The following DDX18 variants were observed in gnomAD, a reference collection of about 807,000 sequenced individuals.
The protein encoded by DDX18 is ATP-dependent RNA helicase DDX18.
In DDX18, 23 loss-of-function variants were observed where a neutral mutation model predicts 73.5. The observed-to-expected ratio is 0.31, with a 90% CI of 0.23 to 0.44. DDX18 has a LOEUF of 0.44. Ranked by LOEUF, DDX18 falls within the 20% of genes least tolerant of loss-of-function variation. The pLI is 1.00. For synonymous variants in DDX18, 268 were observed against 282.7 expected (o/e 0.95, Z 0.52); for missense variants, 753 against 792.9 (o/e 0.95, Z 0.60).
Position 117,814,822 on chromosome 2 carries a change from G to C in DDX18, c.45G>C (p.Lys15Asn). Residue 15 changes from lysine (K) to asparagine (N), a missense_variant, in exon 1 of 14, where the codon AAG (lysine) becomes AAC (asparagine). Coordinates refer to ENST00000263239, the MANE Select transcript of DDX18 (RefSeq NM_006773.4). ...PMKLLRKKIE[K>N]RNLKLRQRNL... ...AACTCCTGCGTAAGAAGATCGAGAA[G>C]CGGAACCTCAAATTGCGGCAGCGGA... 6.2e-7 allele frequency: 1 copy of C among 1,614,258 alleles called. No homozygotes were observed. The highest frequency in any genetic ancestry group is 8.5e-7 in the Non-Finnish European group (1 of 1,180,048).
intron 7 of DDX18, chr2:117,822,578 T>C: frequency 3.7e-6 from 1 of 270,628 alleles, no homozygotes; most frequent in East Asian, 9.4e-5. Context: ...TGTACATACC[T>C]TGGTTATAGT....
intron 13 of DDX18, 59 bp from the exon 14 acceptor site, chr2:117,830,523 A>G: frequency 6.3e-7 from 1 of 1,583,804 alleles, no homozygotes; most frequent in Admixed American, 1.9e-5. Flanking sequence ...TTCTCTGTGT[A>G]GATGTTAGAT....
intron 1 of DDX18, among the ~76,000 whole-genome samples, chr2:117,817,194 G>A (rs1330899327): frequency 3.9e-5 from 6 of 152,174 alleles, no homozygotes. Flanking sequence ...ACTCCTTAAA[G>A]TCAGATGTAC....
At chr2:117,814,944 C>G in intron 1 of DDX18, 82 bp downstream of exon 1, 3 of 1,408,606 alleles carry the variant, frequency 2.1e-6, no homozygotes, top group South Asian at 1.2e-5. Flanking sequence ...CCCAGCTGCT[C>G]TGTGTGACGG....
intron 2 of DDX18, among the ~76,000 whole-genome samples, chr2:117,819,172 A>T (rs1277547729): frequency 6.6e-6 from 1 of 152,186 alleles, no homozygotes; most frequent in Non-Finnish European, 1.5e-5. Context: ...GGTGGGAAGA[A>T]GCCCTGCCTT....
At chr2:117,829,911 T>G (rs1300101027) in intron 13 of DDX18, among the ~76,000 whole-genome samples, 1 of 152,240 alleles carries the variant, frequency 6.6e-6, no homozygotes, top group Admixed American at 6.5e-5. Context: ...AAGGATTTTA[T>G]GCAAGAAAGT....
At chr2:117,817,821 A>G in intron 2 of DDX18, 93 bp downstream of exon 2, 1 of 1,355,344 alleles carries the variant, frequency 7.4e-7, no homozygotes, top group Non-Finnish European at 1.0e-6. Flanking sequence ...ACATGACATG[A>G]GAATTCCCTG....
intron 3 of DDX18, among the ~76,000 whole-genome samples, chr2:117,820,404 A>G (rs965198235): frequency 2.8e-4 from 43 of 152,184 alleles, no homozygotes; most frequent in Non-Finnish European, 6.0e-4. Context: ...GAATCCCAAG[A>G]ATCTCCTCTG....
Position 117,821,930 on chromosome 2 carries a change from C to T in DDX18, c.820C>T (p.Leu274=). 6.2e-7 allele frequency: 1 copy of T among 1,614,102 alleles called. No individual in the cohort carries two copies. Among genetic ancestry groups the T allele is most frequent in the South Asian group, 1.1e-5 (1 of 91,082 alleles). ...GCAAACCTTTGGTGTTCTTAAGGAG[C>T]TGATGACTCACCACGTGCATACCTA... ...AMQTFGVLKE[L]MTHHVHTYGL... Residue 274 remains leucine, a synonymous_variant, in exon 6 of 14, where the codon CTG becomes TTG. Transcript: ENST00000263239.
intron 10 of DDX18, 65 bp from the exon 11 acceptor site, chr2:117,826,204 C>A: frequency 2.2e-6 from 3 of 1,355,140 alleles, no homozygotes; most frequent in Non-Finnish European, 3.1e-6. Context: ...ACTCAGGATG[C>A]AGATACGCAA....
chr2:117,817,743 T>C lies in DDX18; in HGVS notation c.370+15T>C. ...TGCTGAGCCTGGTAGGTATTTATTATCTTTGAACTTCAGCCATTTAGTTTT... is the reference window on the plus strand; with the variant it reads ...TGCTGAGCCTGGTAGGTATTTATTACCTTTGAACTTCAGCCATTTAGTTTT... On this transcript the variant is annotated intron_variant, in intron 2 of 13. Coordinates refer to ENST00000263239, the MANE Select transcript of DDX18 (RefSeq NM_006773.4). 6.3e-7 allele frequency: 1 copy of C among 1,576,324 alleles called. No homozygotes were observed. Among genetic ancestry groups the C allele is most frequent in the Non-Finnish European group, 8.6e-7 (1 of 1,167,596 alleles).
Position 117,821,271 on chromosome 2 carries a change from A to C in DDX18, c.625A>C (p.Ser209Arg). ...AAACATGACTGAAATTCAGCATAAA[A>C]GTATCAGACCACTTCTGGAAGGCAG... ...FTNMTEIQHK[S>R]IRPLLEGRDL... The change falls in exon 4 of 14, where the codon AGT (serine) becomes CGT (arginine). Residue 209 changes from serine (S) to arginine (R), a missense_variant. Coordinates refer to ENST00000263239, the MANE Select transcript of DDX18 (RefSeq NM_006773.4). 5 of 1,610,176 alleles carry C rather than the reference A, an allele frequency of 3.1e-6. No homozygotes were observed. The highest frequency in any genetic ancestry group is 4.2e-6 in the Non-Finnish European group (5 of 1,178,882).
chr2:117,814,828 C>T lies in DDX18; in HGVS notation c.51C>T (p.Asn17=), dbSNP rs746874006. Residue 17 remains asparagine (N), a synonymous_variant, in exon 1 of 14, where the codon AAC becomes AAT. Transcript: ENST00000263239. ...KLLRKKIEKR[N]LKLRQRNLKF... Reference sequence around the variant, plus strand: ...TGCGTAAGAAGATCGAGAAGCGGAACCTCAAATTGCGGCAGCGGAACCTAA... The same window carrying T: ...TGCGTAAGAAGATCGAGAAGCGGAATCTCAAATTGCGGCAGCGGAACCTAA... 1.5e-5 allele frequency: 24 copies of T among 1,614,240 alleles called. No individual in the cohort carries two copies. The highest frequency in any genetic ancestry group is 1.1e-4 in the South Asian group (10 of 91,088).
chr2:117,824,831 G>A (rs544657525), intron 8 of DDX18, 109 bp from the exon 9 acceptor site: 5 of 1,465,186 alleles, frequency 3.4e-6, no homozygotes, highest in African/African-American at 1.4e-5. Context: ...GGTGAGGCAT[G>A]ACAGTTTACA....
In DDX18 at chr2:117,825,611, C is replaced by T. The variant is rs1679913390; in HGVS notation, c.1521+12C>T. On this transcript the variant is annotated intron_variant, in intron 10 of 13. Coordinates refer to ENST00000263239, the MANE Select transcript of DDX18 (RefSeq NM_006773.4). ...CGGATGACCCTAAGGTAACTGGCATCTTTGGAATATCTTCAGAATGACTCT... is the reference window on the plus strand; with the variant it reads ...CGGATGACCCTAAGGTAACTGGCATTTTTGGAATATCTTCAGAATGACTCT... 1.9e-6 allele frequency: 3 copies of T among 1,608,868 alleles called. No homozygotes were observed. Among genetic ancestry groups the T allele is most frequent in the African/African-American group, 2.7e-5 (2 of 74,696 alleles).
At chr2:117,820,011 C>G (rs1679821699) in intron 3 of DDX18, among the ~76,000 whole-genome samples, 1 of 151,992 alleles carries the variant, frequency 6.6e-6, no homozygotes, top group Admixed American at 6.5e-5. Context: ...TTGTTCATTC[C>G]TGACACCAAA....
intron 9 of DDX18, 80 bp from the exon 10 acceptor site, chr2:117,825,367 A>G: frequency 1.3e-6 from 2 of 1,534,048 alleles, no homozygotes; most frequent in East Asian, 2.3e-5. Flanking sequence ...GAAATAGGGT[A>G]ACAGTTCCAC....
At chr2:117,830,394 G>A (rs563868301) in intron 13 of DDX18, among the ~76,000 whole-genome samples, 188 bp from the exon 14 acceptor site, 1 of 152,224 alleles carries the variant, frequency 6.6e-6, no homozygotes, top group African/African-American at 2.4e-5. Flanking sequence ...GCTAATTTAA[G>A]TCCACAGTCA....
At chr2:117,826,543 G>A (rs143539515) in intron 11 of DDX18, 161 bp downstream of exon 11, 7 of 677,222 alleles carry the variant, frequency 1.0e-5, no homozygotes, top group Non-Finnish European at 1.8e-5. Context: ...AGCCCAAGAA[G>A]TGAGCACAGA....
Sources: allele counts gnomAD v4.1 joint callset (sites outside exome capture counted in the v4.1 genomes callset), GRCh38; gene constraint gnomAD v4.1.1; transcripts MANE v1.5; gene names NCBI Gene and HGNC (gene_info 2026-07-23, HGNC 2026-07-21).